The following CCDC138 variants were observed in gnomAD, a reference collection of about 807,000 sequenced individuals.
CCDC138 encodes coiled-coil domain containing 138, also known as coiled-coil domain-containing protein 138.
Under a neutral mutation model 82.3 loss-of-function variants are expected in CCDC138, and 66 were observed. That is an observed-to-expected ratio of 0.80 (90% CI 0.66 to 0.98). The LOEUF is 0.98. Ranked by LOEUF, CCDC138 falls within the 50% of genes least tolerant of loss-of-function variation. CCDC138 has a pLI of 0.00. For missense variants in CCDC138, 816 were observed against 758.9 expected (o/e 1.08, Z -0.88); for synonymous variants, 297 against 265.4 (o/e 1.12, Z -1.16).
At chr2:108,841,282 T>C (rs1248061426) in intron 11 of CCDC138, among the ~76,000 whole-genome samples, 1 of 152,198 alleles carries the variant, frequency 6.6e-6, no homozygotes, top group Admixed American at 6.5e-5. Flanking sequence ...ATCCTGTTGG[T>C]TGATGGTGTT....
At chr2:108,795,150 ATTTTTTTT>A (rs11458525) in intron 5 of CCDC138, among the ~76,000 whole-genome samples, 1 of 85,040 alleles carries the variant, frequency 1.2e-5, no homozygotes, top group South Asian at 4.4e-4. Flanking sequence ...TCTAAAGTGT[ATTTTTTTT>A]TTTTTTTTTT....
chr2:108,878,905 A>G (rs554507699), downstream of CCDC138, among the ~76,000 whole-genome samples: 18 of 152,374 alleles, frequency 1.2e-4, no homozygotes, highest in Admixed American at 4.6e-4. Flanking sequence ...TAAAAATAGC[A>G]TAAATATTCT....
At chr2:108,883,179 A>G (rs546148345) in intron 2 of CCDC138, 1 of 152,196 alleles carries the variant, frequency 6.6e-6, no homozygotes, top group African/African-American at 2.4e-5. Context: ...AAATTTGCCC[A>G]AGAAATACTT....
intron 5 of CCDC138, among the ~76,000 whole-genome samples, chr2:108,797,906 T>C: frequency 6.6e-6 from 1 of 151,504 alleles, no homozygotes; most frequent in Admixed American, 6.6e-5. Flanking sequence ...GCATTGAGAA[T>C]CTAGTACAGG....
intron 13 of CCDC138, among the ~76,000 whole-genome samples, chr2:108,870,568 G>GTCA (rs1415306836): frequency 6.6e-6 from 1 of 151,962 alleles, no homozygotes; most frequent in Non-Finnish European, 1.5e-5. Flanking sequence ...TCATGAAACT[G>GTCA]TCAAAAGTAA....
At chr2:108,823,764 G>C (rs990733358) in intron 10 of CCDC138, among the ~76,000 whole-genome samples, 1 of 152,194 alleles carries the variant, frequency 6.6e-6, no homozygotes, top group Admixed American at 6.5e-5. Context: ...GCGATTACCT[G>C]AGGTCAGGAG....
At chr2:108,841,660 TA>T (rs1273072710) in intron 11 of CCDC138, among the ~76,000 whole-genome samples, 11 of 152,138 alleles carry the variant, frequency 7.2e-5, no homozygotes, top group African/African-American at 2.7e-4. Context: ...TTAAATAGCA[TA>T]CAGCTGCATT....
At chr2:108,880,164 A>T (rs1032356704), downstream of CCDC138, among the ~76,000 whole-genome samples, 23 of 151,536 alleles carry the variant, frequency 1.5e-4, no homozygotes, top group African/African-American at 2.4e-5. Flanking sequence ...AGATAATAAA[A>T]TTAATAAGCT....
intron 11 of CCDC138, among the ~76,000 whole-genome samples, chr2:108,845,068 T>A (rs1403242742): frequency 6.6e-6 from 1 of 152,054 alleles, no homozygotes; most frequent in African/African-American, 2.4e-5. Context: ...TCAAGTTTAT[T>A]TTTTCATTAT....
At chr2:108,797,259 T>G (rs769666963) in intron 5 of CCDC138, among the ~76,000 whole-genome samples, 1 of 152,108 alleles carries the variant, frequency 6.6e-6, no homozygotes, top group Non-Finnish European at 1.5e-5. Flanking sequence ...TAAAGGAGCC[T>G]GAGAAGCCAT....
At chr2:108,856,111 T>C (rs1033865409) in intron 12 of CCDC138, among the ~76,000 whole-genome samples, 9 of 152,220 alleles carry the variant, frequency 5.9e-5, no homozygotes, top group African/African-American at 2.2e-4. Flanking sequence ...GCAATGATTC[T>C]GCTTAAATTA....
intron 3 of CCDC138, among the ~76,000 whole-genome samples, chr2:108,790,314 A>G (rs1679697168): frequency 6.6e-6 from 1 of 152,164 alleles, no homozygotes; most frequent in South Asian, 2.1e-4. Context: ...GAGTTTTATC[A>G]TTTTTTATAT....
At position 108,788,707 on chromosome 2, in the gene CCDC138, G is replaced by A. The variant is rs772462645; in HGVS notation, c.152-145G>A. ...TGCACTCCAGCCTGGGTGACAGAGC[G>A]AGACTCCGTCTCAAAGAAAAAAAAA... On this transcript the variant is annotated intron_variant, in intron 2 of 14. Transcript: ENST00000295124. The A allele has an allele frequency of 4.7e-5, 54 of 1,144,398 alleles. No individual in the cohort carries two copies. The East Asian group carries it at 1.2e-3, about 25-fold the overall frequency. 70.9% of individuals were successfully genotyped at this position (1,144,398 alleles called of 1,614,324 possible).
At chr2:108,869,499 G>A (rs1448483314) in intron 13 of CCDC138, among the ~76,000 whole-genome samples, 1 of 152,114 alleles carries the variant, frequency 6.6e-6, no homozygotes, top group Non-Finnish European at 1.5e-5. Context: ...TGAATCTCAG[G>A]AAGAAGGCCA....
downstream of CCDC138, among the ~76,000 whole-genome samples, chr2:108,880,227 A>AC (rs56114022): frequency 0.79 from 115,352 of 146,204 alleles, 45,434 homozygotes; most frequent in East Asian, 0.95. Flanking sequence ...AAACAAACAA[A>AC]AAAAAAAACG....
chr2:108,816,984 A>G (rs570529509), intron 10 of CCDC138, among the ~76,000 whole-genome samples: 183 of 152,320 alleles, frequency 1.2e-3, no homozygotes, highest in Non-Finnish European at 1.2e-3. Flanking sequence ...GATGTGGGCC[A>G]CTGTGCCCAG....
chr2:108,811,578 G>T (rs1315862743), intron 7 of CCDC138, among the ~76,000 whole-genome samples: 1 of 151,574 alleles, frequency 6.6e-6, no homozygotes, highest in Non-Finnish European at 1.5e-5. Context: ...TGGTTTGTTG[G>T]TTTTTTTATT....
intron 14 of CCDC138, 185 bp from the exon 15 acceptor site, chr2:108,875,903 A>G (rs1695960027): frequency 6.4e-6 from 1 of 157,336 alleles, no homozygotes; most frequent in Non-Finnish European, 1.4e-5. Flanking sequence ...TTTCTGCTTC[A>G]GGTTTATCTC....
At position 108,791,822 on chromosome 2, in the gene CCDC138, A is replaced by G. The variant is rs1273625320; in HGVS notation, c.394+20A>G. ...AAAAAGGTAAAATAAATATTTTAGAACAATCAATTCAGTAGTAACTTTGTC... is the reference window on the plus strand; with the variant it reads ...AAAAAGGTAAAATAAATATTTTAGAGCAATCAATTCAGTAGTAACTTTGTC... On this transcript the variant is annotated intron_variant, in intron 4 of 14. Transcript: ENST00000295124. 1.9e-6 allele frequency: 3 copies of G among 1,559,852 alleles called. No homozygotes were observed. The highest frequency in any genetic ancestry group is 4.5e-5 in the East Asian group (2 of 44,122).
Sources: gnomAD v4.1 joint callset for allele counts (sites outside exome capture counted in the v4.1 genomes callset) on GRCh38, gnomAD v4.1.1 for gene constraint, MANE v1.5 for transcripts, NCBI Gene and HGNC (gene_info 2026-07-23, HGNC 2026-07-21) for gene names.